RNF182: variants seen among roughly 807,000 people sequenced by gnomAD.
The protein encoded by RNF182 is ring finger protein 182, also known as E3 ubiquitin-protein ligase RNF182.
RNF182 carries 15 observed loss-of-function variants against 14.4 expected under a neutral mutation model. That is an observed-to-expected ratio of 1.04 (90% confidence interval 0.70 to 1.60). RNF182 has a LOEUF of 1.60. RNF182 is among the 40% of genes most tolerant of loss of function. The probability of loss-of-function intolerance (pLI) is 0.00; values close to 1 mark genes in which losing one functional copy is unlikely to be tolerated. For synonymous variants in RNF182, 128 were observed against 122.9 expected (o/e 1.04, Z -0.27); for missense variants, 268 against 294.8 (o/e 0.91, Z 0.67).
intron 1 of RNF182, among the ~76,000 whole-genome samples, chr6:13,933,983 A>C (rs1759042203): frequency 6.6e-6 from 1 of 152,164 alleles, no homozygotes; most frequent in Non-Finnish European, 1.5e-5. Context: ...GCACCACTGC[A>C]CTCCAGCCTG....
At chr6:13,976,473 G>A (rs1760329437) in intron 2 of RNF182, among the ~76,000 whole-genome samples, 1 of 152,120 alleles carries the variant, frequency 6.6e-6, no homozygotes, top group Non-Finnish European at 1.5e-5. Flanking sequence ...TCCCTTTTGT[G>A]TATTCCTAAG....
intron 1 of RNF182, among the ~76,000 whole-genome samples, chr6:13,943,324 T>A (rs1298144074): frequency 6.6e-6 from 1 of 152,040 alleles, no homozygotes; most frequent in African/African-American, 2.4e-5. Flanking sequence ...TCTCACCGTG[T>A]TGTCCAAGTT....
intron 1 of RNF182, among the ~76,000 whole-genome samples, chr6:13,945,164 C>G (rs972542863): frequency 6.6e-6 from 1 of 152,096 alleles, no homozygotes; most frequent in Non-Finnish European, 1.5e-5. Flanking sequence ...AGCCATCAAG[C>G]CCAGAATCTT....
In RNF182 at chr6:13,937,209, G is replaced by A. The variant is rs538749852; in HGVS notation, c.-367+12186G>A. On this transcript the variant is annotated intron_variant, in intron 1 of 2. Transcript: ENST00000488300. The stretch of plus-strand genomic sequence containing the variant: ...ATACATATAGAAAAGTGCACGAATC[G>A]TAAGGATATATAGCTTTTATGCATT... Among the ~76,000 whole-genome samples the A allele has an allele frequency of 1.1e-4, 17 of 152,264 alleles. No homozygotes were observed. The South Asian group carries it at 2.3e-3, about 20-fold the overall frequency.
chr6:13,937,360 C>A (rs1275746125), intron 1 of RNF182, among the ~76,000 whole-genome samples: 1 of 152,182 alleles, frequency 6.6e-6, no homozygotes, highest in Non-Finnish European at 1.5e-5. Context: ...AGTCTGAATT[C>A]TAACACTGTT....
At chr6:13,951,420 T>C (rs1401870841) in intron 1 of RNF182, among the ~76,000 whole-genome samples, 1 of 152,218 alleles carries the variant, frequency 6.6e-6, no homozygotes, top group Non-Finnish European at 1.5e-5. Context: ...TATGGGAGTC[T>C]TATCTCTCAG....
At chr6:13,929,139 C>T (rs1220539493) in intron 1 of RNF182, among the ~76,000 whole-genome samples, 1 of 152,056 alleles carries the variant, frequency 6.6e-6, no homozygotes, top group Non-Finnish European at 1.5e-5. Context: ...GCATTGTAAA[C>T]CACAAATTAA....
At chr6:13,949,073 TA>T in intron 1 of RNF182, 1 of 703,040 alleles carries the variant, frequency 1.4e-6, no homozygotes. Flanking sequence ...TATAACCCTT[TA>T]AATTTTTTGT....
chr6:13,950,562 A>G (rs945239607), intron 1 of RNF182, among the ~76,000 whole-genome samples: 3 of 147,722 alleles, frequency 2.0e-5, no homozygotes, highest in African/African-American at 5.0e-5. Flanking sequence ...TGATAACACA[A>G]TCTTGGCTCC....
intron 1 of RNF182, among the ~76,000 whole-genome samples, chr6:13,931,111 G>A (rs1183138052): frequency 2.0e-5 from 3 of 152,158 alleles, no homozygotes; most frequent in Admixed American, 6.5e-5. Flanking sequence ...AAAAGACATC[G>A]TTGTTCACAG....
intron 1 of RNF182, among the ~76,000 whole-genome samples, chr6:13,965,289 G>A (rs1272730998): frequency 6.6e-6 from 1 of 151,556 alleles, no homozygotes; most frequent in Non-Finnish European, 1.5e-5. Flanking sequence ...TGAAAGTACA[G>A]AACAAAAATA....
At chr6:13,956,043 C>G (rs1175179189) in intron 1 of RNF182, among the ~76,000 whole-genome samples, 2 of 152,192 alleles carry the variant, frequency 1.3e-5, no homozygotes, top group African/African-American at 4.8e-5. Context: ...ACGTTCAGTA[C>G]TTCTCTTTCT....
Position 13,940,846 on chromosome 6 carries a change from TTTATTACTTAA to T in RNF182, c.-367+15826_-367+15836del, listed in dbSNP as rs1759279019. On this transcript the variant is annotated intron_variant, in intron 1 of 2. Transcript: ENST00000488300. Reference sequence around the variant, plus strand: ...TTCTTTGACCATAAGTTATTAGACATTTATTACTTAATTTCCAACGGTTTAGGATATTCTAA... The same window carrying T: ...TTCTTTGACCATAAGTTATTAGACATTTTCCAACGGTTTAGGATATTCTAA... Among the ~76,000 whole-genome samples the T allele has an allele frequency of 2.5e-4, 38 of 152,226 alleles. No individual in the cohort carries two copies. The South Asian group carries it at 7.9e-3, about 32-fold the overall frequency.
chr6:13,944,650 A>G (rs1318389625), intron 1 of RNF182, among the ~76,000 whole-genome samples: 1 of 152,246 alleles, frequency 6.6e-6, no homozygotes, highest in African/African-American at 2.4e-5. Context: ...GCACTGGCTG[A>G]GAAAGAACGA....
chr6:13,938,578 C>CTTTTTTTTTTTTT (rs1759203077), intron 1 of RNF182, among the ~76,000 whole-genome samples: 1 of 152,094 alleles, frequency 6.6e-6, no homozygotes, highest in Admixed American at 6.5e-5. Context: ...TATTGTTTTA[C>CTTTTTTTTTTTTT]TTTTCACATT....
intron 1 of RNF182, among the ~76,000 whole-genome samples, chr6:13,972,253 T>C (rs1760208309): frequency 6.8e-6 from 1 of 146,376 alleles, no homozygotes; most frequent in Non-Finnish European, 1.5e-5. Flanking sequence ...TGCAGTGAGC[T>C]GAGATTGTGC....
intron 1 of RNF182, among the ~76,000 whole-genome samples, chr6:13,927,360 G>A (rs1211276245): frequency 6.6e-6 from 1 of 152,184 alleles, no homozygotes; most frequent in Non-Finnish European, 1.5e-5. Context: ...GTGGAAGCAG[G>A]CAACAGCATT....
At chr6:13,957,918 G>A (rs1277880743) in intron 1 of RNF182, among the ~76,000 whole-genome samples, 1 of 152,106 alleles carries the variant, frequency 6.6e-6, no homozygotes, top group African/African-American at 2.4e-5. Flanking sequence ...TACTTTTGGT[G>A]AGCCTAAACC....
intron 1 of RNF182, among the ~76,000 whole-genome samples, chr6:13,944,834 A>AT (rs1325413772): frequency 2.0e-5 from 3 of 152,136 alleles, no homozygotes; most frequent in Non-Finnish European, 4.4e-5. Context: ...TCCAACCCAG[A>AT]TGTTTTTGAC....
Sources: gnomAD v4.1 joint callset for allele counts (sites outside exome capture counted in the v4.1 genomes callset) on GRCh38, gnomAD v4.1.1 for gene constraint, MANE v1.5 for transcripts, NCBI Gene and HGNC (gene_info 2026-07-23, HGNC 2026-07-21) for gene names.